Variants in CFAP299 observed in about 807,000 individuals in gnomAD.
CFAP299 encodes the protein cilia- and flagella-associated protein 299.
In CFAP299, 21 loss-of-function variants were observed where a neutral mutation model predicts 27.0. The observed-to-expected ratio is 0.78, with a 90% CI of 0.55 to 1.12. The LOEUF is 1.12. Among genes scored for constraint, CFAP299 ranks in the 50% most tolerant of loss-of-function variants. The pLI is 0.00. For synonymous variants in CFAP299, 104 were observed against 98.1 expected (o/e 1.06, Z -0.36); for missense variants, 310 against 276.6 (o/e 1.12, Z -0.86).
chr4:80,482,119 A>G (rs996774952), intron 2 of CFAP299, among the ~76,000 whole-genome samples: 4 of 151,964 alleles, frequency 2.6e-5, no homozygotes, highest in Admixed American at 2.0e-4. Context: ...TGGCAATTCT[A>G]TCTGGGAATA....
At chr4:80,443,171 A>G (rs892973230) in intron 2 of CFAP299, among the ~76,000 whole-genome samples, 1 of 152,134 alleles carries the variant, frequency 6.6e-6, no homozygotes, top group African/African-American at 2.4e-5. Flanking sequence ...AGGGACTCCT[A>G]CCTAACTCAT....
chr4:80,811,866 G>A (rs777482202), intron 3 of CFAP299, among the ~76,000 whole-genome samples: 1 of 151,976 alleles, frequency 6.6e-6, no homozygotes, highest in Non-Finnish European at 1.5e-5. Context: ...AAAATTTGGA[G>A]AGACAAGGAA....
intron 3 of CFAP299, among the ~76,000 whole-genome samples, chr4:80,620,776 A>T (rs1347460648): frequency 6.6e-6 from 1 of 152,130 alleles, no homozygotes; most frequent in African/African-American, 2.4e-5. Context: ...AGTAAAGCAG[A>T]TCTGGGTTCA....
intron 3 of CFAP299, among the ~76,000 whole-genome samples, chr4:80,728,300 A>G (rs1015589108): frequency 6.6e-6 from 1 of 152,112 alleles, no homozygotes; most frequent in South Asian, 2.1e-4. Context: ...TTGGTTTAAC[A>G]CTTCTCATAT....
At chr4:80,529,305 G>T (rs17004931) in intron 2 of CFAP299, among the ~76,000 whole-genome samples, 11,534 of 151,342 alleles carry the variant, frequency 0.076, 623 homozygotes, top group East Asian at 0.25. Context: ...TCTTTTTGTT[G>T]TCAGTTTAGT....
At chr4:80,436,156 T>C (rs1433517034) in intron 2 of CFAP299, among the ~76,000 whole-genome samples, 2 of 152,156 alleles carry the variant, frequency 1.3e-5, no homozygotes, top group Non-Finnish European at 2.9e-5. Flanking sequence ...GCTTTCACAG[T>C]GATGTAGCAC....
chr4:80,407,438 T>A (rs902632215), intron 2 of CFAP299, among the ~76,000 whole-genome samples: 2 of 152,212 alleles, frequency 1.3e-5, no homozygotes, highest in Non-Finnish European at 2.9e-5. Flanking sequence ...GGCTGCCTGG[T>A]CTGGAATAGC....
chr4:80,958,128 T>C (rs777570374), intron 5 of CFAP299, among the ~76,000 whole-genome samples: 8 of 152,096 alleles, frequency 5.3e-5, no homozygotes, highest in Middle Eastern at 3.2e-3. Flanking sequence ...ACCTGTAACT[T>C]TGGGTAAATT....
chr4:80,938,624 C>A (rs1294950246), intron 4 of CFAP299, among the ~76,000 whole-genome samples: 2 of 152,174 alleles, frequency 1.3e-5, no homozygotes, highest in African/African-American at 4.8e-5. Flanking sequence ...CACTCCACAC[C>A]TTTATATTTC....
chr4:80,655,148 TGACA>T (rs1263739724), intron 3 of CFAP299, among the ~76,000 whole-genome samples: 5 of 152,152 alleles, frequency 3.3e-5, no homozygotes, highest in Admixed American at 6.6e-5. Flanking sequence ...ACAGAATAAA[TGACA>T]GACAGTCAAA....
intron 3 of CFAP299, among the ~76,000 whole-genome samples, chr4:80,593,229 A>G (rs1040639771): frequency 6.6e-6 from 1 of 152,232 alleles, no homozygotes; most frequent in African/African-American, 2.4e-5. Flanking sequence ...ATCTGAACCA[A>G]CTGTCTTCAT....
chr4:80,453,033 T>C (rs1377618716), intron 2 of CFAP299, among the ~76,000 whole-genome samples: 1 of 152,160 alleles, frequency 6.6e-6, no homozygotes, highest in African/African-American at 2.4e-5. Context: ...GAAACTAAAA[T>C]TGTCACAGGT....
Position 80,586,681 on chromosome 4 carries a change from A to T in CFAP299, c.333+3498A>T, listed in dbSNP as rs563808363. On this transcript the variant is annotated intron_variant, in intron 3 of 5. Coordinates refer to ENST00000358105, the MANE Select transcript of CFAP299 (RefSeq NM_152770.3). ...CTAGTGAACAAGCAGCTGGGAGAGG[A>T]GATAATTATTTTTCAAATGGTAGTA... 5.8e-4 allele frequency among the ~76,000 whole-genome samples: 88 copies of T among 152,246 alleles called. 1 individual carries two copies. Among genetic ancestry groups the T allele is most frequent in the African/African-American group, 1.9e-3 (81 of 41,552 alleles).
chr4:80,961,994 A>G (rs1738366937), intron 5 of CFAP299, among the ~76,000 whole-genome samples: 1 of 151,888 alleles, frequency 6.6e-6, no homozygotes, highest in African/African-American at 2.4e-5. Flanking sequence ...AAACACAAAA[A>G]TAGCCAAAAA....
chr4:80,377,474 T>A (rs1349267847), intron 2 of CFAP299, among the ~76,000 whole-genome samples: 1 of 152,188 alleles, frequency 6.6e-6, no homozygotes, highest in Non-Finnish European at 1.5e-5. Flanking sequence ...TTCCACGGAT[T>A]TATATGTCTA....
intron 3 of CFAP299, among the ~76,000 whole-genome samples, chr4:80,755,751 C>A (rs1725202018): frequency 6.6e-6 from 1 of 152,118 alleles, no homozygotes; most frequent in Admixed American, 6.5e-5. Context: ...CCACCTAATT[C>A]ATTTTACTAG....
chr4:80,393,411 G>A (rs534541223), intron 2 of CFAP299, among the ~76,000 whole-genome samples: 5 of 152,118 alleles, frequency 3.3e-5, no homozygotes, highest in South Asian at 2.1e-4. Flanking sequence ...GTACAGTAAC[G>A]TGTTAGGCTT....
At chr4:80,929,091 T>C (rs1392987967) in intron 4 of CFAP299, among the ~76,000 whole-genome samples, 2 of 152,198 alleles carry the variant, frequency 1.3e-5, no homozygotes, top group East Asian at 3.9e-4. Context: ...CTGCAGACAC[T>C]GACAAGGTGT....
intron 3 of CFAP299, among the ~76,000 whole-genome samples, chr4:80,833,422 A>G (rs1730401565): frequency 6.6e-6 from 1 of 151,750 alleles, no homozygotes; most frequent in Non-Finnish European, 1.5e-5. Context: ...CAATAACTCT[A>G]TGAGGGGTGG....
Sources: gnomAD v4.1 joint callset for allele counts (sites outside exome capture counted in the v4.1 genomes callset) on GRCh38, gnomAD v4.1.1 for gene constraint, MANE v1.5 for transcripts, NCBI Gene and HGNC (gene_info 2026-07-23, HGNC 2026-07-21) for gene names.